SNX29: variants seen among roughly 807,000 people sequenced by gnomAD.
The protein encoded by SNX29 is sorting nexin-29.
A neutral mutation model predicts 102.1 loss-of-function variants in SNX29; 78 were observed. That is an observed-to-expected ratio of 0.76 (90% confidence interval 0.64 to 0.92). The LOEUF is 0.92. Ranked by LOEUF, SNX29 falls within the 40% of genes least tolerant of loss-of-function variation. The probability of loss-of-function intolerance (pLI) is 0.00; values close to 1 mark genes in which losing one functional copy is unlikely to be tolerated. For synonymous variants in SNX29, 580 were observed against 414.5 expected, an observed-to-expected ratio of 1.40 and a Z score of -4.85; for missense variants, 1,280 against 1,061.7, an observed-to-expected ratio of 1.21 and a Z score of -2.86.
intron 20 of SNX29, among the ~76,000 whole-genome samples, chr16:12,564,399 A>C (rs2078901740): frequency 7.3e-6 from 1 of 137,870 alleles, no homozygotes; most frequent in Non-Finnish European, 1.5e-5. Flanking sequence ...ATAAATATGC[A>C]TCAATGATGT....
At chr16:12,189,999 C>T (rs1193109560) in intron 13 of SNX29, among the ~76,000 whole-genome samples, 1 of 152,154 alleles carries the variant, frequency 6.6e-6, no homozygotes, top group African/African-American at 2.4e-5. Context: ...TAACAAGATA[C>T]CTGGCTCCAG....
intron 14 of SNX29, among the ~76,000 whole-genome samples, chr16:12,255,933 A>G (rs1596649104): frequency 6.6e-6 from 1 of 152,174 alleles, no homozygotes; most frequent in Non-Finnish European, 1.5e-5. Flanking sequence ...CTCTATTTTT[A>G]GTTTTTTGAG....
At chr16:12,378,403 G>T (rs559033777) in intron 16 of SNX29, among the ~76,000 whole-genome samples, 1 of 152,106 alleles carries the variant, frequency 6.6e-6, no homozygotes, top group African/African-American at 2.4e-5. Flanking sequence ...TAATCCCAGC[G>T]CTTTAGGAGG....
At chr16:12,299,252 A>T (rs2080082694) in intron 15 of SNX29, among the ~76,000 whole-genome samples, 1 of 152,126 alleles carries the variant, frequency 6.6e-6, no homozygotes, top group African/African-American at 2.4e-5. Context: ...GTGAGCTGAG[A>T]TCATGCTACT....
chr16:12,415,122 C>G (rs12926226), intron 18 of SNX29, among the ~76,000 whole-genome samples: 50,900 of 152,084 alleles, frequency 0.33, 10,425 homozygotes, highest in Non-Finnish European at 0.45. Context: ...AGGCAAGGCT[C>G]CAAGTCCGGG....
In SNX29 at chr16:12,152,570, C is replaced by G. The variant is rs141717803; in HGVS notation, c.1595+22812C>G. Among the ~76,000 whole-genome samples, 188 of 152,288 alleles carry G rather than the reference C, an allele frequency of 1.2e-3. 4 individuals carry two copies. In the East Asian group the frequency reaches 0.032, roughly 26 times the overall value. On this transcript the variant is annotated intron_variant, in intron 13 of 20. Transcript: ENST00000566228. ...CCCCAGATTCACCCATCAAATGGGGCAAACCACCATCTTCAAACCAGTGAG... is the reference window on the plus strand; with the variant it reads ...CCCCAGATTCACCCATCAAATGGGGGAAACCACCATCTTCAAACCAGTGAG...
intron 19 of SNX29, among the ~76,000 whole-genome samples, chr16:12,483,881 C>T (rs1295248767): frequency 1.3e-5 from 2 of 152,194 alleles, no homozygotes; most frequent in African/African-American, 4.8e-5. Context: ...ATGGAAATTC[C>T]ACTTGCATTT....
At chr16:12,208,530 C>T (rs1436438868) in intron 14 of SNX29, among the ~76,000 whole-genome samples, 1 of 152,118 alleles carries the variant, frequency 6.6e-6, no homozygotes, top group Non-Finnish European at 1.5e-5. Flanking sequence ...TGGCTCACGC[C>T]TATAACCCCA....
At chr16:12,551,910 A>C (rs772407068) in intron 20 of SNX29, among the ~76,000 whole-genome samples, 2 of 151,970 alleles carry the variant, frequency 1.3e-5, no homozygotes, top group Non-Finnish European at 2.9e-5. Context: ...GGATCTCTAT[A>C]CCCTACCACA....
At chr16:12,209,543 G>T (rs555132189) in intron 14 of SNX29, among the ~76,000 whole-genome samples, 1 of 152,116 alleles carries the variant, frequency 6.6e-6, no homozygotes, top group Non-Finnish European at 1.5e-5. Flanking sequence ...TCTCCAGCTC[G>T]AGACCCCTCA....
intron 20 of SNX29, among the ~76,000 whole-genome samples, chr16:12,551,732 G>C (rs1206015260): frequency 6.6e-6 from 1 of 152,204 alleles, no homozygotes; most frequent in African/African-American, 2.4e-5. Flanking sequence ...GGGGACAGCT[G>C]ACAAGAAATA....
chr16:12,344,665 A>G lies in SNX29; in HGVS notation c.1783-11498A>G, dbSNP rs77409616. On this transcript the variant is annotated intron_variant, in intron 15 of 20. Transcript: ENST00000566228. ...GGCTTAGGGTTGGGTCTGGCGTCCA[A>G]TACATGCTCAGTAAATGTTTGCTCT... is the stretch of plus-strand genomic sequence containing the variant. Among the ~76,000 whole-genome samples, 391 of 152,362 alleles carry G rather than the reference A, an allele frequency of 2.6e-3. 3 individuals are homozygous for G. Among genetic ancestry groups the G allele is most frequent in the African/African-American group, 8.6e-3 (357 of 41,584 alleles).
chr16:12,555,739 C>G (rs951018673), intron 20 of SNX29, among the ~76,000 whole-genome samples: 1 of 152,100 alleles, frequency 6.6e-6, no homozygotes. Context: ...TTTCCTTCCA[C>G]CTCCCCACAA....
chr16:12,266,105 G>A (rs2142551839), intron 14 of SNX29, among the ~76,000 whole-genome samples: 1 of 151,968 alleles, frequency 6.6e-6, no homozygotes, highest in East Asian at 1.9e-4. Flanking sequence ...CTTTTTTTAA[G>A]ATAGAGACAG....
chr16:12,412,240 C>A (rs1402835980), intron 18 of SNX29, among the ~76,000 whole-genome samples: 1 of 152,190 alleles, frequency 6.6e-6, no homozygotes, highest in Admixed American at 6.5e-5. Flanking sequence ...TTCATGATCC[C>A]CATCTTATAG....
At chr16:12,198,326 G>A (rs796425999) in intron 13 of SNX29, among the ~76,000 whole-genome samples, 5 of 150,558 alleles carry the variant, frequency 3.3e-5, no homozygotes, top group African/African-American at 1.3e-4. Flanking sequence ...TAGGATGTGT[G>A]TGTGCACCTA....
chr16:12,008,497 G>A (rs1444308052), intron 3 of SNX29, among the ~76,000 whole-genome samples: 1 of 142,394 alleles, frequency 7.0e-6, no homozygotes, highest in East Asian at 2.2e-4. Context: ...CTGAACTCCC[G>A]ACCTCAGGTG....
At chr16:12,385,672 A>G (rs57062904) in intron 16 of SNX29, among the ~76,000 whole-genome samples, 48,327 of 152,220 alleles carry the variant, frequency 0.32, 13,602 homozygotes, top group African/African-American at 0.76. Context: ...ACATGCAAAC[A>G]AAGGAAAAGC....
intron 16 of SNX29, among the ~76,000 whole-genome samples, chr16:12,389,958 G>A (rs1567514035): frequency 6.6e-6 from 1 of 152,216 alleles, no homozygotes; most frequent in Admixed American, 6.5e-5. Context: ...ACTCATTGCA[G>A]TAGGTCTGAG....
Sources: gnomAD v4.1 joint callset for allele counts (sites outside exome capture counted in the v4.1 genomes callset) on GRCh38, gnomAD v4.1.1 for gene constraint, MANE v1.5 for transcripts, NCBI Gene and HGNC (gene_info 2026-07-23, HGNC 2026-07-21) for gene names.